SERP2: variants seen among roughly 807,000 people sequenced by gnomAD.
SERP2 encodes the protein stress-associated endoplasmic reticulum protein 2.
Under a neutral mutation model 9.1 loss-of-function variants are expected in SERP2, and 6 were observed. The observed-to-expected ratio is 0.66, with a 90% confidence interval of 0.36 to 1.30. SERP2 has a LOEUF of 1.30. Ranked by LOEUF, SERP2 falls within the 50% of genes most tolerant of loss-of-function variation. SERP2 has a pLI of 0.03. For missense variants in SERP2, 58 were observed against 81.9 expected, an observed-to-expected ratio of 0.71 and a Z score of 1.13; for synonymous variants, 37 against 27.3, an observed-to-expected ratio of 1.35 and a Z score of -1.10.
At chr13:44,374,163 G>GGGGGGGGGGC in intron 1 of SERP2, 54 bp downstream of exon 1, 4 of 519,188 alleles carry the variant, frequency 7.7e-6, no homozygotes, top group East Asian at 8.5e-5. Flanking sequence ...GCGGGGTGGG[G>GGGGGGGGGGC]CGGAAGGTGG....
chr13:44,377,727 C>T (rs973859305), intron 1 of SERP2, among the ~76,000 whole-genome samples: 2 of 152,248 alleles, frequency 1.3e-5, no homozygotes, highest in Non-Finnish European at 2.9e-5. Flanking sequence ...GATAATCCTA[C>T]ACCAATTAGG....
chr13:44,393,049 A>AG (rs1872876457), intron 2 of SERP2, among the ~76,000 whole-genome samples: 1 of 152,010 alleles, frequency 6.6e-6, no homozygotes, highest in Non-Finnish European at 1.5e-5. Context: ...AGTTTCAAGC[A>AG]GGAAGTGCCC....
At position 44,397,389 on chromosome 13, in the gene SERP2, G is replaced by A; in HGVS notation, c.*77G>A. On this transcript the variant is annotated 3_prime_UTR_variant, in exon 3 of 3. Coordinates refer to ENST00000379179, the MANE Select transcript of SERP2 (RefSeq NM_001010897.3). Reference sequence around the variant, plus strand: ...CGGAAGCGGTCAGCCAGTTTCTGCGGGAAACAAGCAGGCCACACGGAATAG... The same window carrying A: ...CGGAAGCGGTCAGCCAGTTTCTGCGAGAAACAAGCAGGCCACACGGAATAG... 8.7e-7 allele frequency: 1 copy of A among 1,150,014 alleles called. No homozygotes were observed. Among genetic ancestry groups the A allele is most frequent in the Non-Finnish European group, 1.3e-6 (1 of 761,900 alleles). The allele number at this position is 1,150,014 out of a possible 1,614,324, so 71.2% of individuals were successfully genotyped here.
intron 1 of SERP2, among the ~76,000 whole-genome samples, chr13:44,378,355 T>C (rs1480031660): frequency 2.6e-5 from 4 of 152,248 alleles, no homozygotes; most frequent in South Asian, 4.1e-4. Flanking sequence ...TCCTTGATGA[T>C]AGCACCACTC....
intron 2 of SERP2, among the ~76,000 whole-genome samples, chr13:44,382,992 T>C (rs1409618212): frequency 1.3e-5 from 2 of 152,184 alleles, no homozygotes; most frequent in Non-Finnish European, 2.9e-5. Context: ...GGGGAGGTGC[T>C]GTTTGAGCGG....
chr13:44,376,746 G>A (rs1871675087), intron 1 of SERP2, among the ~76,000 whole-genome samples: 1 of 151,960 alleles, frequency 6.6e-6, no homozygotes, highest in Admixed American at 6.6e-5. Flanking sequence ...CCGCACTCCA[G>A]TCTGGGTGAC....
chr13:44,374,848 G>GA (rs1470032367), intron 1 of SERP2, among the ~76,000 whole-genome samples: 1 of 152,084 alleles, frequency 6.6e-6, no homozygotes, highest in Non-Finnish European at 1.5e-5. Context: ...CTTTCCACTT[G>GA]GTGAATTCAG....
chr13:44,392,748 T>A (rs1470182070), intron 2 of SERP2, among the ~76,000 whole-genome samples: 1 of 152,038 alleles, frequency 6.6e-6, no homozygotes, highest in Non-Finnish European at 1.5e-5. Context: ...GCTGTAGATA[T>A]CAACTAGATA....
chr13:44,390,714 C>T (rs927052456), intron 2 of SERP2: 14 of 166,402 alleles, frequency 8.4e-5, no homozygotes, highest in African/African-American at 9.6e-5. Flanking sequence ...GTTTTAATAG[C>T]GCCTCCTTGC....
intron 2 of SERP2, among the ~76,000 whole-genome samples, chr13:44,383,682 G>C (rs1872149282): frequency 6.6e-6 from 1 of 151,334 alleles, no homozygotes; most frequent in South Asian, 2.1e-4. Flanking sequence ...TGAGTAGCTG[G>C]AACTGCAAGC....
chr13:44,379,106 A>C (rs912001547), intron 1 of SERP2, among the ~76,000 whole-genome samples: 5 of 152,200 alleles, frequency 3.3e-5, no homozygotes, highest in Non-Finnish European at 5.9e-5. Context: ...CTTGGAATTC[A>C]CAGATGCAAA....
At chr13:44,385,919 G>A (rs111634750) in intron 2 of SERP2, among the ~76,000 whole-genome samples, 86 of 152,220 alleles carry the variant, frequency 5.6e-4, no homozygotes, top group African/African-American at 2.0e-3. Context: ...CGGGACCATC[G>A]GTTGTGCTGT....
At chr13:44,381,649 C>G (rs77156117) in intron 2 of SERP2, among the ~76,000 whole-genome samples, 2,706 of 152,318 alleles carry the variant, frequency 0.018, 85 homozygotes, top group African/African-American at 0.062. Context: ...ACCACTCTGC[C>G]TCTATTAATG....
chr13:44,375,780 A>G (rs1871615133), intron 1 of SERP2, among the ~76,000 whole-genome samples: 1 of 152,258 alleles, frequency 6.6e-6, no homozygotes, highest in East Asian at 1.9e-4. Flanking sequence ...AGGCTGTTGT[A>G]TCTATTAGGT....
upstream of SERP2, chr13:44,373,711 C>T (rs1005618875): frequency 1.2e-5 from 4 of 334,338 alleles, no homozygotes; most frequent in South Asian, 9.4e-5. This position sits in a 1 kb window ranked among gnomAD's most constrained non-coding sequence, Gnocchi z 4.8. Flanking sequence ...TCCGGCCGCT[C>T]GGCGCGGGAG....
intron 2 of SERP2, among the ~76,000 whole-genome samples, chr13:44,390,004 T>G (rs571413970): frequency 6.6e-6 from 1 of 152,320 alleles, no homozygotes; most frequent in Non-Finnish European, 1.5e-5. Context: ...GTGAGAGAGA[T>G]AGTCCCCTAA....
At chr13:44,379,788 C>A in intron 2 of SERP2, 75 bp downstream of exon 2, 1 of 966,520 alleles carries the variant, frequency 1.0e-6, no homozygotes, top group Non-Finnish European at 1.6e-6. Flanking sequence ...CTTCACAAAG[C>A]AAATAGATGA....
rs774211589 is a variant in SERP2 at position 44,374,066 on chromosome 13, A to G, written c.41A>G (p.His14Arg). 3.2e-6 allele frequency: 5 copies of G among 1,587,284 alleles called. No individual in the cohort carries two copies. The highest frequency in any genetic ancestry group is 4.3e-6 in the Non-Finnish European group (5 of 1,167,528). Residue 14 changes from histidine (H) to arginine (R), a missense_variant, in exon 1 of 3, where the codon CAC (histidine) becomes CGC (arginine). By Grantham distance (29) the His-to-Arg change is conservative. Transcript: ENST00000379179. ...KQRIRMANEK[H>R]SKNITQRGNV... ...CGGATCCGGATGGCTAACGAGAAGC[A>G]CAGCAAAAACATCACCCAGAGGGGG... is the stretch of plus-strand genomic sequence containing the variant.
At chr13:44,396,040 G>T (rs549939610) in intron 2 of SERP2, 41 of 251,144 alleles carry the variant, frequency 1.6e-4, no homozygotes, top group African/African-American at 8.5e-4. Context: ...GAACACTCAT[G>T]AAAAGTTAGC....
Sources: allele counts gnomAD v4.1 joint callset (sites outside exome capture counted in the v4.1 genomes callset), GRCh38; gene constraint gnomAD v4.1.1; non-coding constraint Gnocchi (gnomAD v3.1); transcripts MANE v1.5; gene names NCBI Gene and HGNC (gene_info 2026-07-23, HGNC 2026-07-21).